Variants in MCPH1 observed in about 807,000 individuals in gnomAD.
The protein encoded by MCPH1 is microcephalin.
In MCPH1, 104 loss-of-function variants were observed where a neutral mutation model predicts 84.5. The observed-to-expected ratio is 1.23, with a 90% CI of 1.05 to 1.45. The LOEUF is 1.45. MCPH1 is among the 40% of genes most tolerant of loss of function. MCPH1 has a pLI of 0.00. For missense variants in MCPH1, 1,498 were observed against 1,005.7 expected (o/e 1.49, Z -6.62); for synonymous variants, 514 against 366.8 (o/e 1.40, Z -4.58).
chr8:6,494,887 T>C (rs1394608787), intron 11 of MCPH1, among the ~76,000 whole-genome samples: 1 of 152,194 alleles, frequency 6.6e-6, no homozygotes, highest in African/African-American at 2.4e-5. Flanking sequence ...AATGGTTAAT[T>C]GTATATTATG....
At chr8:6,534,204 T>TA (rs1563081911) in intron 12 of MCPH1, among the ~76,000 whole-genome samples, 41 of 150,786 alleles carry the variant, frequency 2.7e-4, no homozygotes, top group Non-Finnish European at 3.9e-4. Context: ...TCAATATATT[T>TA]TAAAAAAAAA....
At chr8:6,417,756 T>G (rs1799523662) in intron 3 of MCPH1, among the ~76,000 whole-genome samples, 1 of 152,240 alleles carries the variant, frequency 6.6e-6, no homozygotes, top group South Asian at 2.1e-4. Context: ...TATAAATAGT[T>G]GTCTTAATGA....
chr8:6,495,587 A>C (rs7824203), intron 11 of MCPH1, among the ~76,000 whole-genome samples: 1,771 of 152,350 alleles, frequency 0.012, 36 homozygotes, highest in African/African-American at 0.041. Context: ...GATTTTTATA[A>C]TTTTGTCAGC....
chr8:6,591,909 T>C (rs1828486442), intron 12 of MCPH1, among the ~76,000 whole-genome samples: 1 of 152,224 alleles, frequency 6.6e-6, no homozygotes. Flanking sequence ...TAAAATTCCT[T>C]ACTGTATGTT....
In MCPH1 at chr8:6,445,020, C is replaced by A. The variant is rs757893077; in HGVS notation, c.1298C>A (p.Ser433Tyr). The change falls in exon 8 of 14, where the codon TCT (serine) becomes TAT (tyrosine). Residue 433 changes from serine (S) to tyrosine (Y), a missense_variant. By Grantham distance (144) the Ser-to-Tyr change is moderately radical. Transcript: ENST00000344683. ...ERYSENLPPE[S>Y]QLPSSPAQLS... is the part of the protein sequence containing the mutation. ...TATTCAGAGAATCTTCCTCCTGAATCTCAGCTGCCATCAAGCCCTGCTCAG... is the reference window on the plus strand; with the variant it reads ...TATTCAGAGAATCTTCCTCCTGAATATCAGCTGCCATCAAGCCCTGCTCAG... The A allele has an allele frequency of 1.2e-5, 20 of 1,614,094 alleles. No individual in the cohort carries two copies. In the East Asian group the frequency reaches 4.5e-4, roughly 36 times the overall value.
chr8:6,576,573 A>C (rs1827121339), intron 12 of MCPH1, among the ~76,000 whole-genome samples: 1 of 141,892 alleles, frequency 7.0e-6, no homozygotes, highest in Non-Finnish European at 1.5e-5. Flanking sequence ...CAATGGTGCG[A>C]TCTCAGTTCA....
chr8:6,521,531 G>A (rs1253111911), intron 12 of MCPH1: 1 of 723,158 alleles, frequency 1.4e-6, no homozygotes, highest in Non-Finnish European at 2.2e-6. Context: ...AAAGTAATAT[G>A]ATGTTACCAG....
chr8:6,447,098 C>G (rs1046299352), intron 8 of MCPH1: 11 of 985,318 alleles, frequency 1.1e-5, no homozygotes, highest in Non-Finnish European at 1.2e-5. Flanking sequence ...CATGCCATTA[C>G]AGACAGACGG....
intron 8 of MCPH1, 33 bp downstream of exon 8, chr8:6,445,580 C>A: frequency 6.5e-7 from 1 of 1,549,370 alleles, no homozygotes; most frequent in South Asian, 1.3e-5. Context: ...GTCACCTTCG[C>A]TAAATAAACA....
chr8:6,498,961 A>G (rs1811627178), intron 11 of MCPH1, among the ~76,000 whole-genome samples: 1 of 152,104 alleles, frequency 6.6e-6, no homozygotes, highest in Middle Eastern at 3.2e-3. Context: ...CTGAGGCAGG[A>G]GAATTGCTTG....
intron 8 of MCPH1, chr8:6,447,225 G>A (rs757133731): frequency 1.6e-5 from 16 of 985,206 alleles, no homozygotes; most frequent in African/African-American, 1.7e-5. Context: ...AGCCCCCTGG[G>A]ACTCAGGTGA....
intron 12 of MCPH1, among the ~76,000 whole-genome samples, chr8:6,611,912 C>G (rs1830312019): frequency 6.6e-6 from 1 of 152,214 alleles, no homozygotes; most frequent in African/African-American, 2.4e-5. Context: ...GCCACCGCGC[C>G]CGGCCTGACG....
chr8:6,433,966 C>T (rs1222627969), intron 4 of MCPH1, among the ~76,000 whole-genome samples: 1 of 152,132 alleles, frequency 6.6e-6, no homozygotes, highest in African/African-American at 2.4e-5. Context: ...TATCTGTTCC[C>T]TCTGTCTGGA....
intron 5 of MCPH1, among the ~76,000 whole-genome samples, chr8:6,438,592 C>A (rs1440818612): frequency 6.6e-6 from 1 of 152,172 alleles, no homozygotes; most frequent in African/African-American, 2.4e-5. Context: ...AAACCTGAGA[C>A]AAGAAACAGA....
intron 12 of MCPH1, chr8:6,563,108 G>C (rs1825808967): frequency 1.6e-6 from 1 of 614,138 alleles, no homozygotes; most frequent in East Asian, 3.0e-5. Flanking sequence ...TTACTGCTGT[G>C]TTCTCTCCAG....
At chr8:6,621,365 A>T in intron 12 of MCPH1, 89 bp from the exon 13 acceptor site, 1 of 1,499,472 alleles carries the variant, frequency 6.7e-7, no homozygotes, top group Non-Finnish European at 9.2e-7. Context: ...TTCTTTTCAT[A>T]AAAAAGGAAG....
chr8:6,461,354 C>A (rs1166889862), intron 9 of MCPH1, among the ~76,000 whole-genome samples: 4 of 112,754 alleles, frequency 3.5e-5, no homozygotes, highest in Non-Finnish European at 6.7e-5. Flanking sequence ...GAGATGGAGT[C>A]TCGCTCTGTT....
intron 12 of MCPH1, chr8:6,527,618 T>C (rs768943503): frequency 1.2e-6 from 2 of 1,614,100 alleles, no homozygotes; most frequent in South Asian, 1.1e-5. Flanking sequence ...TTCCAATTTG[T>C]TTGTCGAGAG....
chr8:6,446,951 G>A (rs1804480622), intron 8 of MCPH1: 1 of 985,254 alleles, frequency 1.0e-6, no homozygotes, highest in Admixed American at 6.1e-5. Context: ...GTTGACTCAA[G>A]GCACCCTGGT....
Sources: gnomAD v4.1 joint callset for allele counts (sites outside exome capture counted in the v4.1 genomes callset) on GRCh38, gnomAD v4.1.1 for gene constraint, MANE v1.5 for transcripts, NCBI Gene and HGNC (gene_info 2026-07-23, HGNC 2026-07-21) for gene names.